GRIN2A: variants seen among roughly 807,000 people sequenced by gnomAD.
GRIN2A encodes glutamate receptor ionotropic, NMDA 2A.
GRIN2A carries 22 observed loss-of-function variants against 113.4 expected under a neutral mutation model. That is an observed-to-expected ratio of 0.19 (90% CI 0.14 to 0.28). The LOEUF is 0.28. GRIN2A is among the 10% of genes least tolerant of loss of function. The pLI is 1.00. For synonymous variants in GRIN2A, 827 were observed against 738.4 expected (o/e 1.12, Z -1.94); for missense variants, 1,502 against 1,887.0 (o/e 0.80, Z 3.78).
At chr16:10,138,528 C>T (rs1690003369) in intron 2 of GRIN2A, among the ~76,000 whole-genome samples, 1 of 152,100 alleles carries the variant, frequency 6.6e-6, no homozygotes, top group Non-Finnish European at 1.5e-5. Flanking sequence ...ATCACGAGAA[C>T]AGCAAGGGGA....
At chr16:10,119,120 G>A (rs2048782582) in intron 2 of GRIN2A, among the ~76,000 whole-genome samples, 1 of 152,094 alleles carries the variant, frequency 6.6e-6, no homozygotes, top group Admixed American at 6.6e-5. Flanking sequence ...TTATACCACT[G>A]ATATTTGAGG....
intron 11 of GRIN2A, among the ~76,000 whole-genome samples, chr16:9,772,095 G>A (rs1901307656): frequency 6.6e-6 from 1 of 152,122 alleles, no homozygotes; most frequent in Non-Finnish European, 1.5e-5. Context: ...AATGGGTGCT[G>A]ATCAATCGGT....
intron 11 of GRIN2A, among the ~76,000 whole-genome samples, chr16:9,779,084 A>G (rs572982564): frequency 1.3e-5 from 2 of 152,236 alleles, no homozygotes; most frequent in African/African-American, 4.8e-5. Flanking sequence ...CTAGTGGTAC[A>G]TAAAAGGGAA....
chr16:9,810,610 A>T lies in GRIN2A; in HGVS notation c.2168+11654T>A, dbSNP rs142150588. Among the ~76,000 whole-genome samples the T allele has an allele frequency of 1.9e-3, 293 of 152,284 alleles. 2 individuals are homozygous for T. The highest frequency in any genetic ancestry group is 6.7e-3 in the African/African-American group (280 of 41,550). ...ATGGAGGCAGAGATTGGAGAGATGC[A>T]GCCACAAGCCAAGAAACACCTGGAG... On this transcript the variant is annotated intron_variant, in intron 10 of 12. Transcript: ENST00000330684.
chr16:9,768,631 G>C (rs1567282110), intron 12 of GRIN2A, among the ~76,000 whole-genome samples: 1 of 152,106 alleles, frequency 6.6e-6, no homozygotes, highest in Admixed American at 6.5e-5. Flanking sequence ...TTTTTCTCAT[G>C]TCCCGCCTGC....
chr16:9,984,196 G>T (rs1483173622), intron 2 of GRIN2A, among the ~76,000 whole-genome samples: 1 of 150,112 alleles, frequency 6.7e-6, no homozygotes, highest in Non-Finnish European at 1.5e-5. Flanking sequence ...TTTAAGAGAT[G>T]TTTATTTAAC....
intron 3 of GRIN2A, among the ~76,000 whole-genome samples, chr16:9,931,947 A>C (rs554842646): frequency 1.5e-4 from 23 of 152,348 alleles, no homozygotes; most frequent in African/African-American, 5.1e-4. Flanking sequence ...TATATGCTTG[A>C]ACCAAGCCCC....
chr16:9,776,695 C>T (rs1283268402), intron 11 of GRIN2A, among the ~76,000 whole-genome samples: 1 of 152,076 alleles, frequency 6.6e-6, no homozygotes, highest in Non-Finnish European at 1.5e-5. Flanking sequence ...TGCTGCTGAT[C>T]TCATTCGGGT....
At chr16:9,937,937 G>A in intron 3 of GRIN2A, 22 bp downstream of exon 3, 1 of 1,552,258 alleles carries the variant, frequency 6.4e-7, no homozygotes, top group South Asian at 1.1e-5. Flanking sequence ...CCCACTTTGG[G>A]AGACAACAAG....
intron 8 of GRIN2A, among the ~76,000 whole-genome samples, chr16:9,832,615 C>A (rs1014887814): frequency 6.6e-6 from 1 of 151,962 alleles, no homozygotes; most frequent in Non-Finnish European, 1.5e-5. Flanking sequence ...GCACGTAGTA[C>A]CCATTTGATA....
intron 9 of GRIN2A, among the ~76,000 whole-genome samples, chr16:9,827,390 G>A (rs1434565013): frequency 6.6e-6 from 1 of 152,338 alleles, no homozygotes; most frequent in East Asian, 1.9e-4. Flanking sequence ...GGTTCCAGGA[G>A]AAGTCAGCAG....
intron 10 of GRIN2A, among the ~76,000 whole-genome samples, chr16:9,812,650 AAAAAG>A (rs1256623780): frequency 6.6e-6 from 1 of 152,188 alleles, no homozygotes; most frequent in Non-Finnish European, 1.5e-5. Flanking sequence ...AACAAAAACA[AAAAAG>A]AAAGAAAAAA....
At chr16:9,886,359 T>C (rs9931983) in intron 4 of GRIN2A, among the ~76,000 whole-genome samples, 45,716 of 151,862 alleles carry the variant, frequency 0.3, 8,182 homozygotes, top group African/African-American at 0.5. Context: ...TATAAGAAAA[T>C]ATTATAGGCA....
At chr16:9,940,227 G>A (rs986936964) in intron 2 of GRIN2A, among the ~76,000 whole-genome samples, 17 of 152,220 alleles carry the variant, frequency 1.1e-4, no homozygotes, top group African/African-American at 3.4e-4. Context: ...ATAGTTCTTC[G>A]AAATACTGCT....
intron 2 of GRIN2A, among the ~76,000 whole-genome samples, chr16:9,984,690 G>A (rs2045949358): frequency 6.6e-6 from 1 of 152,180 alleles, no homozygotes; most frequent in Non-Finnish European, 1.5e-5. Flanking sequence ...GGCATCACGA[G>A]TAACTTGGTC....
intron 11 of GRIN2A, among the ~76,000 whole-genome samples, chr16:9,779,510 G>C (rs1350502918): frequency 6.6e-6 from 1 of 152,130 alleles, no homozygotes; most frequent in African/African-American, 2.4e-5. Context: ...GAGAAGGAGA[G>C]AGTGGAAAGG....
At chr16:9,848,108 A>G (rs1377767996) in intron 5 of GRIN2A, among the ~76,000 whole-genome samples, 2 of 147,516 alleles carry the variant, frequency 1.4e-5, no homozygotes, top group African/African-American at 4.9e-5. Flanking sequence ...TTTATCTATA[A>G]ACATATAGTT....
intron 4 of GRIN2A, among the ~76,000 whole-genome samples, chr16:9,854,382 T>A (rs572683183): frequency 1.3e-4 from 20 of 151,808 alleles, no homozygotes; most frequent in African/African-American, 4.1e-4. Context: ...CCTAACACCA[T>A]TTTAAAAAGG....
At chr16:10,181,493 G>C (rs1163717262) in intron 1 of GRIN2A, 1 of 152,464 alleles carries the variant, frequency 6.6e-6, no homozygotes, top group African/African-American at 2.4e-5. Flanking sequence ...CACTTCCTCA[G>C]ACTGCTGTAG....
Sources: gnomAD v4.1 joint callset for allele counts (sites outside exome capture counted in the v4.1 genomes callset) on GRCh38, gnomAD v4.1.1 for gene constraint, MANE v1.5 for transcripts, NCBI Gene and HGNC (gene_info 2026-07-23, HGNC 2026-07-21) for gene names.